NDST3: variants seen among roughly 807,000 people sequenced by gnomAD.
NDST3 encodes N-deacetylase and N-sulfotransferase 3.
Under a neutral mutation model 96.1 loss-of-function variants are expected in NDST3, and 58 were observed. That is an observed-to-expected ratio of 0.60 (90% CI 0.49 to 0.75). The LOEUF (loss-of-function observed/expected upper bound fraction) is 0.75, where lower values mean the gene tolerates loss of function less well. Ranked by LOEUF, NDST3 falls within the 30% of genes least tolerant of loss-of-function variation. The pLI, the probability that NDST3 is intolerant of heterozygous loss-of-function variation, is 0.00. For synonymous variants in NDST3, 333 were observed against 359.7 expected (o/e 0.93, Z 0.84); for missense variants, 788 against 1,034.2 (o/e 0.76, Z 3.27).
intron 1 of NDST3, among the ~76,000 whole-genome samples, chr4:118,044,407 A>G (rs1724636012): frequency 6.6e-6 from 1 of 152,278 alleles, no homozygotes; most frequent in Admixed American, 6.5e-5. Flanking sequence ...AGCATTTAAA[A>G]GAGACCTCAC....
intron 1 of NDST3, among the ~76,000 whole-genome samples, chr4:118,035,324 G>T (rs1053545935): frequency 6.6e-6 from 1 of 151,736 alleles, no homozygotes; most frequent in East Asian, 1.9e-4. Context: ...GAGTTTAGAA[G>T]AAAACCCTTC....
intron 3 of NDST3, among the ~76,000 whole-genome samples, chr4:118,105,512 T>C (rs555165721): frequency 2.6e-5 from 4 of 152,144 alleles, no homozygotes; most frequent in Non-Finnish European, 5.9e-5. Context: ...ATATCATGAA[T>C]TAGTTTTGCT....
intron 3 of NDST3, among the ~76,000 whole-genome samples, chr4:118,110,503 A>C (rs1266290486): frequency 6.6e-6 from 1 of 152,194 alleles, no homozygotes; most frequent in Non-Finnish European, 1.5e-5. Context: ...TTTGAGAATT[A>C]AGTGAAATGA....
intron 5 of NDST3, among the ~76,000 whole-genome samples, chr4:118,140,191 A>T (rs191888090): frequency 6.6e-6 from 1 of 152,294 alleles, no homozygotes; most frequent in Admixed American, 6.5e-5. Context: ...TTCCACCTTG[A>T]GAGACTTTCT....
At position 118,138,327 on chromosome 4, in the gene NDST3, G is replaced by A; in HGVS notation, c.1410+88G>A. On this transcript the variant is annotated intron_variant, in intron 5 of 13. Coordinates refer to ENST00000296499, the MANE Select transcript of NDST3 (RefSeq NM_004784.3). Reference sequence around the variant, plus strand: ...AGAAAGAAAAACACAAATGTTAGCAGCATAAATGTAGGAAAAGCTCCATGC... The same window carrying A: ...AGAAAGAAAAACACAAATGTTAGCAACATAAATGTAGGAAAAGCTCCATGC... The A allele has an allele frequency of 5.8e-6, 7 of 1,199,790 alleles. No individual in the cohort carries two copies. In the South Asian group the frequency reaches 1.2e-4, roughly 20 times the overall value. The allele number at this position is 1,199,790 out of a possible 1,614,324, so 74.3% of individuals were successfully genotyped here.
At chr4:118,229,374 T>A in intron 8 of NDST3, among the ~76,000 whole-genome samples, 1 of 152,206 alleles carries the variant, frequency 6.6e-6, no homozygotes, top group Middle Eastern at 3.2e-3. Context: ...TTTTCAGTGT[T>A]GAGGCTGACA....
chr4:118,138,279 G>A, intron 5 of NDST3, 40 bp downstream of exon 5: 1 of 1,504,414 alleles, frequency 6.6e-7, no homozygotes, highest in South Asian at 1.3e-5. Context: ...AACTAATTCT[G>A]CAAGATTTCA....
chr4:118,064,684 G>T (rs1726165734), intron 2 of NDST3, among the ~76,000 whole-genome samples: 1 of 152,046 alleles, frequency 6.6e-6, no homozygotes. Flanking sequence ...TACTAAAACA[G>T]CTATGTATGG....
chr4:118,228,810 T>C lies in NDST3; in HGVS notation c.1819+1828T>C, dbSNP rs983389257. On this transcript the variant is annotated intron_variant, in intron 8 of 13. Coordinates refer to ENST00000296499, the MANE Select transcript of NDST3 (RefSeq NM_004784.3). ...TGTACCACTACAGTTTTGCCTTTTC[T>C]AGAACTTCACATAAATGGAAGCATG... is the stretch of plus-strand genomic sequence containing the variant. Among the ~76,000 whole-genome samples the C allele has an allele frequency of 3.3e-5, 5 of 152,222 alleles. 1 individual carries two copies. The highest frequency in any genetic ancestry group is 1.2e-4 in the African/African-American group (5 of 41,448).
At chr4:118,229,291 C>T (rs1740117413) in intron 8 of NDST3, among the ~76,000 whole-genome samples, 1 of 152,118 alleles carries the variant, frequency 6.6e-6, no homozygotes, top group African/African-American at 2.4e-5. Flanking sequence ...ACAGAGTGGA[C>T]TCCATCTCAA....
chr4:118,139,637 T>A (rs1733404009), intron 5 of NDST3, among the ~76,000 whole-genome samples: 1 of 152,130 alleles, frequency 6.6e-6, no homozygotes, highest in Admixed American at 6.5e-5. Flanking sequence ...ACACTCTTAT[T>A]TTGCTGTATG....
At chr4:118,042,675 T>A (rs149535425) in intron 1 of NDST3, among the ~76,000 whole-genome samples, 125 of 152,342 alleles carry the variant, frequency 8.2e-4, no homozygotes, top group African/African-American at 2.9e-3. Context: ...AAACATAGTA[T>A]CCTATATTTT....
intron 6 of NDST3, among the ~76,000 whole-genome samples, chr4:118,165,711 T>C (rs1391090491): frequency 6.6e-6 from 1 of 151,950 alleles, no homozygotes; most frequent in Admixed American, 6.6e-5. Context: ...TCATACCAAG[T>C]ATCAATTCCT....
chr4:118,169,623 G>A (rs532939973), intron 6 of NDST3, among the ~76,000 whole-genome samples: 7 of 151,948 alleles, frequency 4.6e-5, no homozygotes, highest in Admixed American at 6.6e-5. Context: ...GCAAAACCCC[G>A]TCTTTACTAA....
chr4:118,192,652 T>C (rs1045663837), intron 6 of NDST3, among the ~76,000 whole-genome samples: 3 of 152,200 alleles, frequency 2.0e-5, no homozygotes, highest in African/African-American at 7.2e-5. Context: ...TTGTCTGTTT[T>C]AATGCCAACA....
At chr4:118,127,028 A>C (rs1431128794) in intron 4 of NDST3, among the ~76,000 whole-genome samples, 1 of 151,700 alleles carries the variant, frequency 6.6e-6, no homozygotes, top group East Asian at 1.9e-4. Flanking sequence ...TTTGTCCATT[A>C]GTTATTCAGA....
intron 6 of NDST3, among the ~76,000 whole-genome samples, chr4:118,198,443 C>T (rs1026848887): frequency 6.6e-6 from 1 of 152,118 alleles, no homozygotes; most frequent in African/African-American, 2.4e-5. Flanking sequence ...AGAAAATTTA[C>T]AAAGACTTCC....
chr4:118,137,433 T>C (rs1733200303), intron 4 of NDST3, among the ~76,000 whole-genome samples: 2 of 152,106 alleles, frequency 1.3e-5, no homozygotes, highest in Non-Finnish European at 2.9e-5. Flanking sequence ...GCTGTTTCAG[T>C]ACCTTCAACT....
intron 6 of NDST3, among the ~76,000 whole-genome samples, chr4:118,150,070 G>T (rs868863461): frequency 6.6e-6 from 1 of 151,294 alleles, no homozygotes; most frequent in Non-Finnish European, 1.5e-5. Context: ...ATTGATTTGC[G>T]TATATTGAAC....
Sources: gnomAD v4.1 joint callset for allele counts (sites outside exome capture counted in the v4.1 genomes callset) on GRCh38, gnomAD v4.1.1 for gene constraint, MANE v1.5 for transcripts, NCBI Gene and HGNC (gene_info 2026-07-23, HGNC 2026-07-21) for gene names.